Variants in PARVA observed in about 807,000 individuals in gnomAD.
PARVA encodes parvin alpha, also known as alpha-parvin.
PARVA carries 25 observed loss-of-function variants against 52.6 expected under a neutral mutation model. The ratio of observed to expected loss-of-function variants is 0.48; its 90% confidence interval spans 0.35 to 0.66. The LOEUF is 0.66. Ranked by LOEUF, PARVA falls within the 30% of genes least tolerant of loss-of-function variation. The pLI is 0.01. For missense variants in PARVA, 373 were observed against 450.9 expected (o/e 0.83, Z 1.56); for synonymous variants, 185 against 179.1 (o/e 1.03, Z -0.26).
At chr11:12,519,865 C>A (rs760078609) in intron 12 of PARVA, among the ~76,000 whole-genome samples, 1 of 152,224 alleles carries the variant, frequency 6.6e-6, no homozygotes, top group Non-Finnish European at 1.5e-5. Context: ...CTGGGGCTCT[C>A]TCTTTGGCAA....
chr11:12,523,009 T>C (rs1941657427), intron 12 of PARVA, among the ~76,000 whole-genome samples: 1 of 152,096 alleles, frequency 6.6e-6, no homozygotes, highest in Non-Finnish European at 1.5e-5. Context: ...ATACTGACAA[T>C]GTTCTATTTT....
intron 1 of PARVA, among the ~76,000 whole-genome samples, chr11:12,390,684 A>G (rs1268122155): frequency 6.6e-6 from 1 of 152,174 alleles, no homozygotes; most frequent in Admixed American, 6.5e-5. Flanking sequence ...CCATTCTCCC[A>G]CACTTGAGAC....
Position 12,504,298 on chromosome 11 carries a change from T to C in PARVA, c.542-16T>C, listed in dbSNP as rs1462578029. Reference sequence around the variant, plus strand: ...GGAAGAAGATGCTGTAATTTTTCAATCTTCTTTCATTTCAGCTGTTCATGC... The same window carrying C: ...GGAAGAAGATGCTGTAATTTTTCAACCTTCTTTCATTTCAGCTGTTCATGC... On this transcript the variant is annotated splice_polypyrimidine_tract_variant and intron_variant, in intron 5 of 12. Transcript: ENST00000334956. The C allele has an allele frequency of 2.0e-6, 3 of 1,484,762 alleles. No individual in the cohort carries two copies. Among genetic ancestry groups the C allele is most frequent in the Non-Finnish European group, 9.4e-7 (1 of 1,063,834 alleles). 92.0% of individuals were successfully genotyped at this position (1,484,762 alleles called of 1,614,324 possible). A position where few individuals can be genotyped will look rare whatever the true frequency, so the allele number is the denominator to read the frequency against.
intron 1 of PARVA, among the ~76,000 whole-genome samples, chr11:12,462,940 T>C (rs879737106): frequency 1.3e-5 from 2 of 152,164 alleles, no homozygotes; most frequent in Admixed American, 6.5e-5. Flanking sequence ...TCTACAGAGC[T>C]TAGTCAGATA....
chr11:12,482,936 A>G lies in PARVA; in HGVS notation c.400+4987A>G, dbSNP rs115795378. 4.9e-3 allele frequency among the ~76,000 whole-genome samples: 748 copies of G among 152,310 alleles called. 7 individuals are homozygous for G. The highest frequency in any genetic ancestry group is 0.02 in the Middle Eastern group (6 of 294). ...CAGGGACTTCTTGGCAGAGAGTTGT[A>G]TATGTTTCGTTGCTGTGGTGAAAGC... On this transcript the variant is annotated intron_variant, in intron 4 of 12. Coordinates refer to ENST00000334956, the MANE Select transcript of PARVA (RefSeq NM_018222.5).
intron 4 of PARVA, among the ~76,000 whole-genome samples, chr11:12,491,461 G>A (rs1191241531): frequency 2.6e-5 from 4 of 152,106 alleles, no homozygotes; most frequent in Non-Finnish European, 4.4e-5. Flanking sequence ...AAGCCACCAC[G>A]CCCAGCTGAG....
intron 1 of PARVA, among the ~76,000 whole-genome samples, chr11:12,395,945 T>G (rs1268193354): frequency 6.6e-6 from 1 of 152,262 alleles, no homozygotes; most frequent in Non-Finnish European, 1.5e-5. Flanking sequence ...ACTCAGAAGG[T>G]TGAAAAAGAA....
intron 1 of PARVA, among the ~76,000 whole-genome samples, chr11:12,436,767 G>A (rs1041108012): frequency 2.0e-5 from 3 of 152,126 alleles, no homozygotes; most frequent in Non-Finnish European, 4.4e-5. Context: ...GAAGTGTGGG[G>A]TTAGATTGGG....
chr11:12,394,749 C>T (rs1057004047), intron 1 of PARVA, among the ~76,000 whole-genome samples: 2 of 152,274 alleles, frequency 1.3e-5, no homozygotes, highest in Middle Eastern at 3.4e-3. Flanking sequence ...TACCCAGATC[C>T]GAGCACACTC....
At chr11:12,439,367 A>G (rs1940430667) in intron 1 of PARVA, among the ~76,000 whole-genome samples, 1 of 152,224 alleles carries the variant, frequency 6.6e-6, no homozygotes, top group African/African-American at 2.4e-5. Flanking sequence ...TTCATTTGCC[A>G]CTGACCTTCC....
Position 12,527,948 on chromosome 11 carries a change from T to C in PARVA, c.*23T>C. 2.6e-6 allele frequency: 4 copies of C among 1,565,502 alleles called. No homozygotes were observed. The highest frequency in any genetic ancestry group is 3.5e-6 in the Non-Finnish European group (4 of 1,136,988). ...TGAGGGGCTGCCCTGGGCCCACCAC[T>C]GCCCAAGAGTTCTTGCTGTTGGCGT... On this transcript the variant is annotated 3_prime_UTR_variant, in exon 13 of 13. Coordinates refer to ENST00000334956, the MANE Select transcript of PARVA (RefSeq NM_018222.5).
intron 1 of PARVA, among the ~76,000 whole-genome samples, chr11:12,469,625 A>G (rs768661074): frequency 6.6e-6 from 1 of 152,240 alleles, no homozygotes; most frequent in Non-Finnish European, 1.5e-5. Flanking sequence ...CCATGGGGCA[A>G]GGGCCAGGCC....
intron 9 of PARVA, chr11:12,513,796 T>C: frequency 1.6e-6 from 1 of 606,070 alleles, no homozygotes; most frequent in Non-Finnish European, 2.9e-6. Context: ...CTGAGTTGTA[T>C]GGGACTGCAA....
chr11:12,454,766 G>A (rs575424208), intron 1 of PARVA, among the ~76,000 whole-genome samples: 1 of 151,986 alleles, frequency 6.6e-6, no homozygotes, highest in East Asian at 1.9e-4. Context: ...ATTTTGAAGT[G>A]GTTACCAGAT....
chr11:12,393,275 TAAC>T (rs1939688506), intron 1 of PARVA, among the ~76,000 whole-genome samples: 1 of 152,190 alleles, frequency 6.6e-6, no homozygotes, highest in South Asian at 2.1e-4. Flanking sequence ...TTGGTCTTCC[TAAC>T]AACCTCACAA....
At chr11:12,469,945 C>T (rs1164155637) in intron 1 of PARVA, among the ~76,000 whole-genome samples, 1 of 152,158 alleles carries the variant, frequency 6.6e-6, no homozygotes, top group East Asian at 1.9e-4. Context: ...CGTTTCTAGT[C>T]ACACTTTAGA....
intron 1 of PARVA, among the ~76,000 whole-genome samples, chr11:12,419,381 T>C (rs962599989): frequency 3.3e-5 from 5 of 152,324 alleles, no homozygotes; most frequent in East Asian, 1.9e-4. Context: ...TTTGCCTTTT[T>C]ATGACTGACT....
intron 1 of PARVA, among the ~76,000 whole-genome samples, chr11:12,408,460 G>A (rs758333058): frequency 6.6e-6 from 1 of 152,140 alleles, no homozygotes; most frequent in Non-Finnish European, 1.5e-5. Flanking sequence ...TCACAAAGCT[G>A]GGGACTGCTT....
At chr11:12,450,772 G>A (rs1447965318) in intron 1 of PARVA, among the ~76,000 whole-genome samples, 1 of 152,138 alleles carries the variant, frequency 6.6e-6, no homozygotes, top group South Asian at 2.1e-4. Flanking sequence ...CTGAAGAACT[G>A]GAGTCTGATG....
Sources: allele counts gnomAD v4.1 joint callset (sites outside exome capture counted in the v4.1 genomes callset), GRCh38; gene constraint gnomAD v4.1.1; transcripts MANE v1.5; gene names NCBI Gene and HGNC (gene_info 2026-07-23, HGNC 2026-07-21).